The following ASTN2 variants were observed in gnomAD, a reference collection of about 807,000 sequenced individuals.
ASTN2 encodes astrotactin-2.
ASTN2 carries 54 observed loss-of-function variants against 139.8 expected under a neutral mutation model. That is an observed-to-expected ratio of 0.39 (90% CI 0.31 to 0.48). The LOEUF (loss-of-function observed/expected upper bound fraction) is 0.48. Among genes scored for constraint, ASTN2 ranks in the 20% least tolerant of loss-of-function variants. The pLI is 0.95. For missense variants in ASTN2, 1,565 were observed against 1,725.1 expected, an observed-to-expected ratio of 0.91 and a Z score of 1.64; for synonymous variants, 756 against 719.5, an observed-to-expected ratio of 1.05 and a Z score of -0.81.
intron 1 of ASTN2, among the ~76,000 whole-genome samples, chr9:117,369,488 GC>G (rs954148496): frequency 6.6e-6 from 1 of 152,002 alleles, no homozygotes; most frequent in African/African-American, 2.4e-5. Flanking sequence ...AGGTCAAATA[GC>G]CTGCCCAAGA....
At chr9:116,777,986 G>C (rs1830126720) in intron 13 of ASTN2, among the ~76,000 whole-genome samples, 1 of 152,054 alleles carries the variant, frequency 6.6e-6, no homozygotes, top group Non-Finnish European at 1.5e-5. Flanking sequence ...GGGACTATAG[G>C]TGTGTGCCAC....
chr9:117,366,231 C>T (rs148180608), intron 1 of ASTN2, among the ~76,000 whole-genome samples: 29 of 152,190 alleles, frequency 1.9e-4, no homozygotes, highest in Middle Eastern at 6.8e-3. Flanking sequence ...TTAATACACT[C>T]AATGATCATG....
At chr9:116,987,583 A>G (rs1001133662) in intron 7 of ASTN2, among the ~76,000 whole-genome samples, 29 of 152,232 alleles carry the variant, frequency 1.9e-4, no homozygotes, top group African/African-American at 6.8e-4. Flanking sequence ...CTGTGAGTCA[A>G]TTAAAGCTCT....
intron 6 of ASTN2, among the ~76,000 whole-genome samples, chr9:117,021,699 T>C (rs1837885891): frequency 1.3e-5 from 2 of 152,140 alleles, no homozygotes; most frequent in Non-Finnish European, 2.9e-5. Context: ...ATGATCCAGT[T>C]AAATGGGCCT....
At chr9:116,433,559 T>C (rs1051947237) in intron 22 of ASTN2, among the ~76,000 whole-genome samples, 3 of 152,218 alleles carry the variant, frequency 2.0e-5, no homozygotes, top group African/African-American at 7.2e-5. Flanking sequence ...ATCATTTGGA[T>C]TTTATATAAT....
rs1263022047 is a variant in ASTN2 at position 116,565,409 on chromosome 9, A to C, written c.3355+52915T>G. Among the ~76,000 whole-genome samples the C allele has an allele frequency of 8.8e-3, 973 of 110,450 alleles. 35 individuals carry two copies. Among genetic ancestry groups the C allele is most frequent in the Non-Finnish European group, 0.011 (609 of 53,658 alleles). 72.5% of individuals were successfully genotyped at this position (110,450 alleles called of 152,430 possible). A position where few individuals can be genotyped will look rare whatever the true frequency, so the allele number is the denominator to read the frequency against. Reference sequence around the variant, plus strand: ...TCTCCATATATATATATATATATATATATATATATATATATATATATTTAT... The same window carrying C: ...TCTCCATATATATATATATATATATCTATATATATATATATATATATTTAT... On this transcript the variant is annotated intron_variant, in intron 19 of 22. Coordinates refer to ENST00000313400, the MANE Select transcript of ASTN2 (RefSeq NM_001365068.1).
intron 1 of ASTN2, among the ~76,000 whole-genome samples, chr9:117,313,221 G>A (rs1828032830): frequency 6.6e-6 from 1 of 152,228 alleles, no homozygotes; most frequent in South Asian, 2.1e-4. Flanking sequence ...CTTGAGGAGG[G>A]CACACAGGTG....
chr9:116,484,514 A>G (rs1202035119), intron 20 of ASTN2, among the ~76,000 whole-genome samples: 1 of 152,164 alleles, frequency 6.6e-6, no homozygotes, highest in Non-Finnish European at 1.5e-5. Flanking sequence ...GCAAAAAATG[A>G]GAATCCCCAA....
intron 1 of ASTN2, among the ~76,000 whole-genome samples, chr9:117,310,013 T>G (rs368067151): frequency 3.9e-5 from 6 of 152,160 alleles, no homozygotes; most frequent in African/African-American, 1.4e-4. Context: ...TCTGAGCCTG[T>G]TTCTTCATCT....
At chr9:117,209,229 C>A (rs11999235) in intron 3 of ASTN2, among the ~76,000 whole-genome samples, 59,696 of 151,858 alleles carry the variant, frequency 0.39, 13,432 homozygotes, top group Middle Eastern at 0.55. Flanking sequence ...TATAAATGAA[C>A]TAAATTCCCC....
At chr9:116,434,931 A>G (rs1487288865) in intron 22 of ASTN2, among the ~76,000 whole-genome samples, 1 of 152,224 alleles carries the variant, frequency 6.6e-6, no homozygotes, top group Admixed American at 6.5e-5. Context: ...CCACAGATTT[A>G]GGAAAGATTT....
chr9:116,851,686 T>C (rs1170918803), intron 11 of ASTN2, among the ~76,000 whole-genome samples: 1 of 150,314 alleles, frequency 6.7e-6, no homozygotes, highest in Non-Finnish European at 1.5e-5. Flanking sequence ...AAAAAACACG[T>C]TTTAGTTGAA....
intron 4 of ASTN2, among the ~76,000 whole-genome samples, chr9:117,128,573 T>A (rs1829757697): frequency 6.6e-6 from 1 of 152,082 alleles, no homozygotes; most frequent in African/African-American, 2.4e-5. Flanking sequence ...GGAGGTCTGA[T>A]CCCCAGGCAA....
At chr9:117,256,802 C>T (rs1182724465) in intron 2 of ASTN2, among the ~76,000 whole-genome samples, 1 of 152,146 alleles carries the variant, frequency 6.6e-6, no homozygotes, top group Non-Finnish European at 1.5e-5. Context: ...TTTCATTCAA[C>T]AGCATATTTG....
At chr9:116,992,126 C>T (rs1339635238) in intron 7 of ASTN2, among the ~76,000 whole-genome samples, 1 of 152,174 alleles carries the variant, frequency 6.6e-6, no homozygotes, top group Non-Finnish European at 1.5e-5. Flanking sequence ...AGGATGGGGG[C>T]TTACATCCCA....
At chr9:117,138,322 G>A (rs548202551) in intron 4 of ASTN2, among the ~76,000 whole-genome samples, 10 of 152,268 alleles carry the variant, frequency 6.6e-5, no homozygotes, top group Non-Finnish European at 8.8e-5. Flanking sequence ...GCGAGAAGGG[G>A]CTGGCTAGGA....
intron 16 of ASTN2, among the ~76,000 whole-genome samples, chr9:116,691,448 G>A (rs1860562128): frequency 6.6e-6 from 1 of 152,202 alleles, no homozygotes; most frequent in Non-Finnish European, 1.5e-5. Flanking sequence ...GGAAGACAGA[G>A]ACAACAGGCA....
chr9:116,566,359 A>G (rs1853233703), intron 19 of ASTN2, among the ~76,000 whole-genome samples: 1 of 152,048 alleles, frequency 6.6e-6, no homozygotes, highest in Non-Finnish European at 1.5e-5. Flanking sequence ...TTGTTTTTCT[A>G]TGTAGCCTTT....
intron 16 of ASTN2, among the ~76,000 whole-genome samples, chr9:116,682,430 A>G (rs886785092): frequency 1.3e-5 from 2 of 152,238 alleles, no homozygotes; most frequent in African/African-American, 2.4e-5. Context: ...TGTTGGTGGG[A>G]CTGTAAACTG....
Sources: gnomAD v4.1 joint callset for allele counts (sites outside exome capture counted in the v4.1 genomes callset) on GRCh38, gnomAD v4.1.1 for gene constraint, MANE v1.5 for transcripts, NCBI Gene and HGNC (gene_info 2026-07-23, HGNC 2026-07-21) for gene names.